ZFP42: variants seen among roughly 807,000 people sequenced by gnomAD.
The protein encoded by ZFP42 is zinc finger protein 42 homolog.
For missense variants in ZFP42, 438 were observed against 377.1 expected (o/e 1.16, Z -1.34); for synonymous variants, 175 against 144.6 (o/e 1.21, Z -1.51).
rs755081250 is a variant in ZFP42, at chr4:188,003,785, C to A, written c.*45C>A. The A allele has an allele frequency of 5.3e-6, 8 of 1,513,458 alleles. No individual in the cohort carries two copies. The South Asian group carries it at 6.3e-5, about 12-fold the overall frequency. 93.8% of individuals were successfully genotyped at this position (1,513,458 alleles called of 1,614,324 possible). On this transcript the variant is annotated 3_prime_UTR_variant, in exon 4 of 4. Transcript: ENST00000326866. ...AGATTAACAGAAGAGTGATCAGTGA[C>A]AAACATGCCTCATTGATTATTGTTT...
chr4:188,003,474 G>T lies in ZFP42; in HGVS notation c.667G>T (p.Gly223Trp). ...CCGAGACCACGTCTGTGCGGAATGT[G>T]GGAAAGCGTTCGTTGAGAGCTCAAA... ...GPRDHVCAECGKAFVESSKLK... is the reference protein window; with the variant it reads ...GPRDHVCAECWKAFVESSKLK... Residue 223 changes from glycine (G) to tryptophan (W), a missense_variant, in exon 4 of 4, where the codon GGG (glycine) becomes TGG (tryptophan). Gly to Trp is a radical substitution (Grantham distance 184, BLOSUM62 -2). Coordinates refer to ENST00000326866, the MANE Select transcript of ZFP42 (RefSeq NM_174900.5). 2 of 1,613,970 alleles carry T rather than the reference G, an allele frequency of 1.2e-6. No individual in the cohort carries two copies. The highest frequency in any genetic ancestry group is 1.6e-4 in the Middle Eastern group (1 of 6,062).
intron 1 of ZFP42, among the ~76,000 whole-genome samples, chr4:187,996,467 C>G (rs561799935): frequency 4.6e-5 from 7 of 152,204 alleles, no homozygotes; most frequent in Admixed American, 2.6e-4. Context: ...CCCTTCACTG[C>G]GCCCGGCTAA....
At chr4:187,997,505 G>C (rs939459129) in intron 1 of ZFP42, among the ~76,000 whole-genome samples, 1 of 151,716 alleles carries the variant, frequency 6.6e-6, no homozygotes. Flanking sequence ...GGGATTACAA[G>C]CGTGAGCCAC....
In ZFP42 at chr4:188,003,696, C is replaced by T; in HGVS notation, c.889C>T (p.Leu297=). The T allele has an allele frequency of 6.2e-7, 1 of 1,613,610 alleles. No homozygotes were observed. Among genetic ancestry groups the T allele is most frequent in the Non-Finnish European group, 8.5e-7 (1 of 1,179,690 alleles). ...IQSNNLKAHI[L]THANTNKNEQ... is the part of the protein sequence containing the mutation. ...GTCAAATAACCTGAAAGCCCACATC[C>T]TAACGCATGCAAATACGAACAAGAA... Residue 297 remains leucine, a synonymous_variant, in exon 4 of 4, where the codon CTA becomes TTA. Coordinates refer to ENST00000326866, the MANE Select transcript of ZFP42 (RefSeq NM_174900.5).
intron 3 of ZFP42, among the ~76,000 whole-genome samples, 192 bp from the exon 4 acceptor site, chr4:188,002,521 T>A (rs751826952): frequency 3.3e-5 from 5 of 152,218 alleles, no homozygotes; most frequent in African/African-American, 4.8e-5. Flanking sequence ...TATAGAGGGT[T>A]CCAATAACTT....
At position 188,003,954 on chromosome 4, in the gene ZFP42, T is replaced by G; in HGVS notation, c.*214T>G. The stretch of plus-strand genomic sequence containing the variant: ...TTATTTGTTTTATTTAGAACTTTTT[T>G]TATTTGTTTTATTTAGAACTTTGTG... On this transcript the variant is annotated 3_prime_UTR_variant, in exon 4 of 4. Transcript: ENST00000326866. 4.1e-6 allele frequency: 2 copies of G among 488,056 alleles called. No individual in the cohort carries two copies. Among genetic ancestry groups the G allele is most frequent in the Non-Finnish European group, 7.4e-6 (2 of 271,718 alleles). The allele number at this position is 488,056 out of a possible 1,614,324, so 30.2% of individuals were successfully genotyped here.
Position 188,003,385 on chromosome 4 carries a change from G to A in ZFP42, c.578G>A (p.Ser193Asn), listed in dbSNP as rs1022472349. Residue 193 changes from serine (S) to asparagine (N), a missense_variant, in exon 4 of 4, where the codon AGT (serine) becomes AAT (asparagine). Physicochemically the swap from Ser to Asn is conservative, Grantham distance 46 (BLOSUM62 1). Transcript: ENST00000326866. ...DSLSAIACPQ[S>N]GCTRKLRNRA... ...CTGAGCGCAATCGCTTGTCCTCAGA[G>A]TGGATGCACTAGGAAGTTGAGGAAT... is the stretch of plus-strand genomic sequence containing the variant. 1.4e-5 allele frequency: 22 copies of A among 1,614,032 alleles called. No homozygotes were observed. The highest frequency in any genetic ancestry group is 1.7e-5 in the Non-Finnish European group (20 of 1,180,046).
At chr4:187,999,057 A>G (rs1158025292) in intron 1 of ZFP42, 51 bp from the exon 2 acceptor site, 1 of 152,206 alleles carries the variant, frequency 6.6e-6, no homozygotes, top group East Asian at 1.9e-4. Flanking sequence ...GTAAATTCAT[A>G]AAGAAAACAC....
chr4:187,997,027 CAT>C (rs1733612646), intron 1 of ZFP42, among the ~76,000 whole-genome samples: 3 of 59,026 alleles, frequency 5.1e-5, no homozygotes, highest in South Asian at 8.2e-4. Flanking sequence ...GAGCATGGAG[CAT>C]GGAGCGTGGA....
At chr4:187,998,792 G>C (rs1446730796) in intron 1 of ZFP42, among the ~76,000 whole-genome samples, 1 of 152,172 alleles carries the variant, frequency 6.6e-6, no homozygotes, top group Non-Finnish European at 1.5e-5. Flanking sequence ...GATGTTCACA[G>C]GATGACACAG....
In ZFP42 at chr4:187,999,253, C is replaced by T. The variant is rs1262727570; in HGVS notation, c.-193C>T. 6.6e-6 allele frequency: 1 copy of T among 152,148 alleles called. No homozygotes were observed. The highest frequency in any genetic ancestry group is 1.5e-5 in the Non-Finnish European group (1 of 68,078). 9.4% of individuals were successfully genotyped at this position (152,148 alleles called of 1,614,324 possible). ...TCACGGCCTCCCTTGGGAATTCAGA[C>T]CTAACCATCGCTGAGCTGAAGTGTA... On this transcript the variant is annotated 5_prime_UTR_variant, in exon 2 of 4. Coordinates refer to ENST00000326866, the MANE Select transcript of ZFP42 (RefSeq NM_174900.5).
intron 1 of ZFP42, among the ~76,000 whole-genome samples, chr4:187,998,894 A>C (rs1192019450): frequency 1.3e-5 from 2 of 152,036 alleles, no homozygotes; most frequent in Non-Finnish European, 2.9e-5. Context: ...TTGCCATATA[A>C]ATAGTTTTCT....
At position 188,003,077 on chromosome 4, in the gene ZFP42, A is replaced by C. The variant is rs374970262; in HGVS notation, c.270A>C (p.Ser90=). 187 of 1,614,060 alleles carry C rather than the reference A, an allele frequency of 1.2e-4. No individual in the cohort carries two copies. The highest frequency in any genetic ancestry group is 1.5e-4 in the Non-Finnish European group (174 of 1,180,030). Residue 90 remains serine, a synonymous_variant, in exon 4 of 4, where the codon TCA becomes TCC. Transcript: ENST00000326866. ...EFSQPILEED[S]LFESLEYLKK... ...CTCAACCCATCCTGGAAGAGGACTC[A>C]CTTTTTGAGTCCTTGGAATACCTAA...
chr4:187,997,978 G>A (rs1208676444), intron 1 of ZFP42, among the ~76,000 whole-genome samples: 1 of 152,172 alleles, frequency 6.6e-6, no homozygotes, highest in Non-Finnish European at 1.5e-5. Context: ...GTGAAAAAAT[G>A]TTTGTGTTTT....
intron 1 of ZFP42, among the ~76,000 whole-genome samples, chr4:187,998,514 T>A (rs534924694): frequency 6.6e-6 from 1 of 152,200 alleles, no homozygotes; most frequent in Non-Finnish European, 1.5e-5. Flanking sequence ...CAACACTCAC[T>A]CACTCACTCA....
chr4:188,002,872 C>T lies in ZFP42; in HGVS notation c.65C>T (p.Pro22Leu), dbSNP rs1280289939. ...RHQKGLGGRA[P>L]SGAKPRQGKS... is the part of the protein sequence containing the mutation. ...CAGAAAGGCCTGGGTGGAAGAGCCC[C>T]CAGTGGGGCTAAGCCCAGGCAAGGC... The change falls in exon 4 of 4, where the codon CCC (proline) becomes CTC (leucine). Residue 22 changes from proline to leucine, a missense_variant. Coordinates refer to ENST00000326866, the MANE Select transcript of ZFP42 (RefSeq NM_174900.5). The T allele has an allele frequency of 6.2e-7, 1 of 1,614,178 alleles. No homozygotes were observed. The highest frequency in any genetic ancestry group is 8.5e-7 in the Non-Finnish European group (1 of 1,180,038).
Position 188,003,659 on chromosome 4 carries a change from G to A in ZFP42, c.852G>A (p.Arg284=), listed in dbSNP as rs748544196. 1.2e-6 allele frequency: 2 copies of A among 1,613,720 alleles called. No individual in the cohort carries two copies. Among genetic ancestry groups the A allele is most frequent in the Admixed American group, 3.3e-5 (2 of 60,018 alleles). ...TGTGTCCCTTTCAAGGCTGCAACAG[G>A]AGGTTTATTCAGTCAAATAACCTGA... ...RFVCPFQGCN[R]RFIQSNNLKA... Residue 284 remains arginine (R), a synonymous_variant, in exon 4 of 4, where the codon AGG becomes AGA. Coordinates refer to ENST00000326866, the MANE Select transcript of ZFP42 (RefSeq NM_174900.5).
rs1339146909 is a variant in ZFP42, at chr4:188,003,341, A to G, written c.534A>G (p.Ile178Met). The G allele has an allele frequency of 6.2e-7, 1 of 1,614,018 alleles. No homozygotes were observed. Among genetic ancestry groups the G allele is most frequent in the Non-Finnish European group, 8.5e-7 (1 of 1,180,018 alleles). Residue 178 changes from isoleucine to methionine, a missense_variant, in exon 4 of 4, where the codon ATA becomes ATG. Transcript: ENST00000326866. ...LAEFARKKPP[I>M]NKEYDSLSAI... ...AATTTGCTAGAAAGAAGCCCCCCAT[A>G]AATAAAGAATATGACAGTCTGAGCG...
chr4:187,997,699 C>T (rs1355149327), intron 1 of ZFP42, among the ~76,000 whole-genome samples: 1 of 152,072 alleles, frequency 6.6e-6, no homozygotes, highest in Non-Finnish European at 1.5e-5. Flanking sequence ...AGATTTCGTC[C>T]ACATCCGCTT....
Sources: allele counts gnomAD v4.1 joint callset (sites outside exome capture counted in the v4.1 genomes callset), GRCh38; gene constraint gnomAD v4.1.1; transcripts MANE v1.5; gene names NCBI Gene and HGNC (gene_info 2026-07-23, HGNC 2026-07-21).